The following MACROD2 variants were observed in gnomAD, a reference collection of about 807,000 sequenced individuals.
MACROD2 encodes mono-ADP ribosylhydrolase 2, also known as ADP-ribose glycohydrolase MACROD2.
Under a neutral mutation model 70.4 loss-of-function variants are expected in MACROD2, and 36 were observed. The ratio of observed to expected loss-of-function variants is 0.51; its 90% confidence interval spans 0.39 to 0.68. MACROD2 has a LOEUF of 0.68. MACROD2 is among the 30% of genes least tolerant of loss of function. The pLI, the probability that MACROD2 is intolerant of heterozygous loss-of-function variation, is 0.00. For missense variants in MACROD2, 496 were observed against 538.4 expected (o/e 0.92, Z 0.78); for synonymous variants, 172 against 178.8 (o/e 0.96, Z 0.30).
chr20:14,093,993 A>AT (rs67148022), intron 3 of MACROD2, among the ~76,000 whole-genome samples: 12 of 150,354 alleles, frequency 8.0e-5, no homozygotes, highest in Admixed American at 2.0e-4. Context: ...TTTTTTTAAA[A>AT]TTTTTTTTTT....
intron 6 of MACROD2, among the ~76,000 whole-genome samples, chr20:15,343,221 G>T (rs528346139): frequency 2.6e-5 from 4 of 152,256 alleles, no homozygotes; most frequent in African/African-American, 9.6e-5. Context: ...GCTTGTACGT[G>T]CTCTTGTTAC....
At chr20:14,440,858 T>A (rs1457937323) in intron 3 of MACROD2, among the ~76,000 whole-genome samples, 1 of 152,098 alleles carries the variant, frequency 6.6e-6, no homozygotes, top group Non-Finnish European at 1.5e-5. Flanking sequence ...TTGCCTCTAT[T>A]CCATAGAGTA....
intron 5 of MACROD2, among the ~76,000 whole-genome samples, chr20:14,952,101 G>T (rs2074480764): frequency 6.6e-6 from 1 of 152,052 alleles, no homozygotes; most frequent in South Asian, 2.1e-4. Context: ...TTTGTTTCAA[G>T]TTAATTTTGC....
intron 5 of MACROD2, among the ~76,000 whole-genome samples, chr20:15,086,512 A>G (rs1478097764): frequency 3.3e-5 from 5 of 152,162 alleles, no homozygotes. Flanking sequence ...GATGGTCACA[A>G]TGGAGAATCT....
chr20:14,606,402 A>T (rs1023416959), intron 4 of MACROD2, among the ~76,000 whole-genome samples: 1 of 152,176 alleles, frequency 6.6e-6, no homozygotes, highest in Non-Finnish European at 1.5e-5. Flanking sequence ...CATGCCTATA[A>T]CAATTCCAGG....
At chr20:15,284,513 C>G (rs1251469598) in intron 6 of MACROD2, among the ~76,000 whole-genome samples, 1 of 152,134 alleles carries the variant, frequency 6.6e-6, no homozygotes, top group East Asian at 1.9e-4. Flanking sequence ...GAGGAAAATA[C>G]ATGAAATCTA....
intron 5 of MACROD2, among the ~76,000 whole-genome samples, chr20:14,748,893 A>G (rs557532877): frequency 5.3e-5 from 8 of 152,208 alleles, no homozygotes; most frequent in Admixed American, 4.6e-4. Flanking sequence ...AGAAAACCAG[A>G]TGCCTCCATA....
rs1267680897 is a variant in MACROD2, at chr20:15,148,555, A to G, written c.419-81385A>G. Among the ~76,000 whole-genome samples, 5 of 152,066 alleles carry G rather than the reference A, an allele frequency of 3.3e-5. 1 individual carries two copies. Among genetic ancestry groups the G allele is most frequent in the African/African-American group, 9.7e-5 (4 of 41,332 alleles). ...CTGGCACTGTAAACAAGAGCAGGGC[A>G]TGTATGAGTAGTTGAGAATGGTGAA... On this transcript the variant is annotated intron_variant, in intron 5 of 17. Transcript: ENST00000684519.
intron 4 of MACROD2, among the ~76,000 whole-genome samples, chr20:14,626,577 T>C (rs756153859): frequency 6.6e-6 from 1 of 152,152 alleles, no homozygotes; most frequent in Non-Finnish European, 1.5e-5. Context: ...ACACAGGGAA[T>C]GCTGCCACAA....
chr20:14,405,395 G>T (rs1289899782), intron 3 of MACROD2, among the ~76,000 whole-genome samples: 6 of 152,132 alleles, frequency 3.9e-5, no homozygotes, highest in African/African-American at 1.4e-4. Context: ...CTTCTTTAGT[G>T]AAATAAGTTC....
At chr20:15,806,184 A>C (rs1017704603) in intron 8 of MACROD2, among the ~76,000 whole-genome samples, 1 of 152,220 alleles carries the variant, frequency 6.6e-6, no homozygotes, top group Non-Finnish European at 1.5e-5. Context: ...TGAATAAAAA[A>C]CACGAGCTTT....
At chr20:15,547,838 T>C (rs2048044727) in intron 8 of MACROD2, among the ~76,000 whole-genome samples, 1 of 152,046 alleles carries the variant, frequency 6.6e-6, no homozygotes, top group Non-Finnish European at 1.5e-5. Flanking sequence ...TTTGTAAATC[T>C]TCCTTGCTTT....
At chr20:16,040,771 G>A (rs1442033632) in intron 15 of MACROD2, among the ~76,000 whole-genome samples, 1 of 151,992 alleles carries the variant, frequency 6.6e-6, no homozygotes, top group Non-Finnish European at 1.5e-5. Flanking sequence ...ACTACCAGGA[G>A]AATGAATCTT....
intron 4 of MACROD2, among the ~76,000 whole-genome samples, chr20:14,545,352 A>G (rs1291193737): frequency 1.3e-5 from 2 of 152,100 alleles, no homozygotes; most frequent in Non-Finnish European, 2.9e-5. Context: ...CTCACTTCCT[A>G]AAGCTGTGTG....
At chr20:14,532,719 T>G (rs1390363347) in intron 4 of MACROD2, among the ~76,000 whole-genome samples, 1 of 152,214 alleles carries the variant, frequency 6.6e-6, no homozygotes, top group Non-Finnish European at 1.5e-5. Flanking sequence ...TATACGCTAC[T>G]GGCAGTTTCT....
At chr20:14,735,914 G>A (rs752152651) in intron 5 of MACROD2, among the ~76,000 whole-genome samples, 5 of 151,970 alleles carry the variant, frequency 3.3e-5, no homozygotes, top group Non-Finnish European at 5.9e-5. Flanking sequence ...GAAAAGTTTC[G>A]TGATTCTTCA....
At chr20:15,677,000 A>G (rs1369068787) in intron 8 of MACROD2, among the ~76,000 whole-genome samples, 2 of 152,228 alleles carry the variant, frequency 1.3e-5, no homozygotes, top group Non-Finnish European at 2.9e-5. Flanking sequence ...AACTATTTGC[A>G]TAATATAACA....
chr20:15,083,041 C>T (rs2075717263), intron 5 of MACROD2, among the ~76,000 whole-genome samples: 1 of 152,122 alleles, frequency 6.6e-6, no homozygotes, highest in Admixed American at 6.6e-5. Flanking sequence ...CACACAGAAT[C>T]CCCAGTGTAA....
chr20:14,794,515 T>C (rs978070575), intron 5 of MACROD2, among the ~76,000 whole-genome samples: 3 of 152,146 alleles, frequency 2.0e-5, no homozygotes, highest in African/African-American at 7.2e-5. Flanking sequence ...ATGCAAACAC[T>C]TTTCCAATAA....
Sources: allele counts gnomAD v4.1 joint callset (sites outside exome capture counted in the v4.1 genomes callset), GRCh38; gene constraint gnomAD v4.1.1; transcripts MANE v1.5; gene names NCBI Gene and HGNC (gene_info 2026-07-23, HGNC 2026-07-21).